IL1RAPL2: variants seen among roughly 807,000 people sequenced by gnomAD.
The protein encoded by IL1RAPL2 is X-linked interleukin-1 receptor accessory protein-like 2.
A neutral mutation model predicts 44.1 loss-of-function variants in IL1RAPL2; 3 were observed. The observed-to-expected ratio is 0.07, with a 90% confidence interval of 0.03 to 0.18. The LOEUF (loss-of-function observed/expected upper bound fraction) is 0.18. Among genes scored for constraint, IL1RAPL2 ranks in the 10% least tolerant of loss-of-function variants. The pLI, the probability that IL1RAPL2 is intolerant of heterozygous loss-of-function variation, is 1.00. For synonymous variants in IL1RAPL2, 181 were observed against 178.8 expected (o/e 1.01, Z -0.10); for missense variants, 391 against 496.4 (o/e 0.79, Z 2.02).
chrX:104,690,952 T>A (rs1931082070), intron 2 of IL1RAPL2, among the ~76,000 whole-genome samples: 1 of 111,655 alleles, frequency 9.0e-6, no homozygotes, highest in Non-Finnish European at 1.9e-5. Flanking sequence ...AGGAGAGTGG[T>A]GCTGTGACAA....
rs780746592 is a variant in IL1RAPL2, at chrX:104,789,678, A to C, written c.82+130683A>C. ...AATATGCCTCATGAATTGCCATGTG[A>C]CTTTGGCATATGACTGTGGTAATCT... is the stretch of plus-strand genomic sequence containing the variant. On this transcript the variant is annotated intron_variant, in intron 2 of 10. Coordinates refer to ENST00000372582, the MANE Select transcript of IL1RAPL2 (RefSeq NM_017416.2). 5.3e-5 allele frequency among the ~76,000 whole-genome samples: 6 copies of C among 112,363 alleles called. No homozygotes were observed. In the South Asian group the frequency reaches 2.2e-3, roughly 41 times the overall value.
At chrX:105,174,990 A>T (rs1238784075) in intron 2 of IL1RAPL2, among the ~76,000 whole-genome samples, 2 of 112,142 alleles carry the variant, frequency 1.8e-5, no homozygotes, top group East Asian at 5.6e-4. Flanking sequence ...TGGGACCTCA[A>T]GCAAGGCATT....
At chrX:105,619,012 C>T (rs1212000570) in intron 6 of IL1RAPL2, among the ~76,000 whole-genome samples, 1 of 111,077 alleles carries the variant, frequency 9.0e-6, no homozygotes, top group Non-Finnish European at 1.9e-5. Flanking sequence ...AAATAATTTT[C>T]TCTTTACCCT....
intron 6 of IL1RAPL2, among the ~76,000 whole-genome samples, chrX:105,657,782 T>A (rs933949235): frequency 9.0e-5 from 10 of 110,676 alleles, no homozygotes; most frequent in African/African-American, 3.3e-4. Flanking sequence ...CCCGGCTAAT[T>A]TTTTGTATTT....
intron 6 of IL1RAPL2, among the ~76,000 whole-genome samples, chrX:105,507,862 C>A (rs2036442057): frequency 1.8e-5 from 2 of 111,946 alleles, no homozygotes; most frequent in South Asian, 7.3e-4. Flanking sequence ...AGTTAAAAAT[C>A]ATTACCTATT....
At chrX:105,665,341 G>A (rs1163690215) in intron 6 of IL1RAPL2, among the ~76,000 whole-genome samples, 1 of 76,217 alleles carries the variant, frequency 1.3e-5, no homozygotes, top group African/African-American at 5.5e-5. Flanking sequence ...TTTTATGCGC[G>A]TGCGTGTGTG....
At chrX:104,841,644 AT>A (rs1171297108) in intron 2 of IL1RAPL2, among the ~76,000 whole-genome samples, 14 of 111,385 alleles carry the variant, frequency 1.3e-4, no homozygotes, top group Admixed American at 1.9e-4. Context: ...TCCTTCCCTT[AT>A]GAAGCTTAGT....
intron 2 of IL1RAPL2, among the ~76,000 whole-genome samples, chrX:105,139,046 G>A (rs1569390552): frequency 9.0e-6 from 1 of 111,194 alleles, no homozygotes; most frequent in Non-Finnish European, 1.9e-5. Context: ...CTTTGCCTTG[G>A]GGTGCTAAAA....
chrX:105,276,167 A>G (rs1191252680), intron 5 of IL1RAPL2, among the ~76,000 whole-genome samples: 1 of 112,352 alleles, frequency 8.9e-6, no homozygotes, highest in Non-Finnish European at 1.9e-5. Flanking sequence ...CCACTTTGGG[A>G]GACCGGGATG....
intron 1 of IL1RAPL2, among the ~76,000 whole-genome samples, chrX:104,597,685 A>G (rs1015122728): frequency 3.6e-5 from 4 of 110,287 alleles, no homozygotes; most frequent in African/African-American, 1.3e-4. Context: ...TTTTTGGGGG[A>G]AGGTTTTTAG....
At chrX:105,558,652 A>G (rs1230091589) in intron 6 of IL1RAPL2, among the ~76,000 whole-genome samples, 1 of 112,379 alleles carries the variant, frequency 8.9e-6, no homozygotes, top group Non-Finnish European at 1.9e-5. Flanking sequence ...CCAGAAAGTG[A>G]CCCAACTTTT....
chrX:105,402,975 C>T (rs1185482651), intron 5 of IL1RAPL2, among the ~76,000 whole-genome samples: 2 of 111,794 alleles, frequency 1.8e-5, no homozygotes, highest in Non-Finnish European at 3.8e-5. Context: ...CTTTGCAAAT[C>T]TTGAAAATCC....
At chrX:105,459,460 C>T (rs1365851398) in intron 5 of IL1RAPL2, among the ~76,000 whole-genome samples, 3 of 111,500 alleles carry the variant, frequency 2.7e-5, no homozygotes, top group Non-Finnish European at 3.8e-5. Context: ...TTCTTGTTCT[C>T]CTTTAAAGGT....
chrX:104,628,962 A>C (rs1252398435), intron 1 of IL1RAPL2, among the ~76,000 whole-genome samples: 3 of 112,136 alleles, frequency 2.7e-5, no homozygotes, highest in Non-Finnish European at 3.8e-5. Context: ...ATGGAATACT[A>C]TACAACCATT....
intron 5 of IL1RAPL2, among the ~76,000 whole-genome samples, chrX:105,440,727 C>T (rs2035914463): frequency 8.9e-6 from 1 of 112,160 alleles, no homozygotes; most frequent in African/African-American, 3.2e-5. Context: ...AATGTTCAAT[C>T]GGTGATATGG....
chrX:105,565,591 T>C (rs981013379), intron 6 of IL1RAPL2, among the ~76,000 whole-genome samples: 1 of 111,866 alleles, frequency 8.9e-6, no homozygotes, highest in Non-Finnish European at 1.9e-5. Flanking sequence ...TACAAAATAA[T>C]TGAGTTAACT....
intron 2 of IL1RAPL2, among the ~76,000 whole-genome samples, chrX:104,726,975 GACCTGA>G (rs1341454970): frequency 9.3e-6 from 1 of 107,534 alleles, no homozygotes; most frequent in African/African-American, 3.4e-5. Flanking sequence ...TTAAATGTAA[GACCTGA>G]AAATTAAAAA....
chrX:104,894,841 C>A (rs1419933865), intron 2 of IL1RAPL2, among the ~76,000 whole-genome samples: 1 of 112,296 alleles, frequency 8.9e-6, no homozygotes, highest in Non-Finnish European at 1.9e-5. Flanking sequence ...AACTGTGTTC[C>A]TTTGGAGGGG....
chrX:105,175,585 A>G (rs2033464892), intron 2 of IL1RAPL2, among the ~76,000 whole-genome samples: 1 of 111,372 alleles, frequency 9.0e-6, no homozygotes, highest in African/African-American at 3.3e-5. Context: ...AATAATAATG[A>G]TAACGTTAAC....
Sources: allele counts gnomAD v4.1 joint callset (sites outside exome capture counted in the v4.1 genomes callset), GRCh38; gene constraint gnomAD v4.1.1; transcripts MANE v1.5; gene names NCBI Gene and HGNC (gene_info 2026-07-23, HGNC 2026-07-21).